GABRA3: variants seen among roughly 807,000 people sequenced by gnomAD.
The protein encoded by GABRA3 is gamma-aminobutyric acid type A receptor subunit alpha3, also known as gamma-aminobutyric acid receptor subunit alpha-3.
A neutral mutation model predicts 30.1 loss-of-function variants in GABRA3; 10 were observed. That is an observed-to-expected ratio of 0.33 (90% CI 0.20 to 0.56). GABRA3 has a LOEUF of 0.56. Among genes scored for constraint, GABRA3 ranks in the 20% least tolerant of loss-of-function variants. The probability of loss-of-function intolerance (pLI) is 0.89; values close to 1 mark genes in which losing one functional copy is unlikely to be tolerated. For synonymous variants in GABRA3, 151 were observed against 146.8 expected (o/e 1.03, Z -0.21); for missense variants, 233 against 392.0 (o/e 0.59, Z 3.42).
chrX:152,278,249 T>A (rs192418253), intron 4 of GABRA3, among the ~76,000 whole-genome samples: 11,672 of 103,907 alleles, frequency 0.11, 608 homozygotes, highest in African/African-American at 0.15. Context: ...CCTAATGCTA[T>A]CCTTCCTTCT....
At chrX:152,261,371 A>G (rs1938726059) in intron 4 of GABRA3, among the ~76,000 whole-genome samples, 1 of 111,888 alleles carries the variant, frequency 8.9e-6, no homozygotes, top group Non-Finnish European at 1.9e-5. Flanking sequence ...TCAAAAGTCC[A>G]AATTCAAAGT....
At chrX:152,240,954 C>G (rs1192308303) in intron 5 of GABRA3, among the ~76,000 whole-genome samples, 19 of 99,826 alleles carry the variant, frequency 1.9e-4, no homozygotes, top group African/African-American at 5.9e-4. Flanking sequence ...CCTCCCGTAG[C>G]TCAGAGTAAT....
chrX:152,327,378 C>A (rs1414787275), intron 3 of GABRA3, among the ~76,000 whole-genome samples: 6 of 111,609 alleles, frequency 5.4e-5, no homozygotes, highest in African/African-American at 2.0e-4. Context: ...AACTCTCCAC[C>A]CCAAATCAAC....
chrX:152,290,089 C>T (rs1939377422), intron 3 of GABRA3, among the ~76,000 whole-genome samples: 1 of 111,899 alleles, frequency 8.9e-6, no homozygotes, highest in Admixed American at 9.5e-5. Context: ...TGAGGAATCC[C>T]ACAATGTCTT....
chrX:152,310,184 T>G (rs1939778616), intron 3 of GABRA3, among the ~76,000 whole-genome samples: 1 of 112,096 alleles, frequency 8.9e-6, no homozygotes. Flanking sequence ...TCAATAATAG[T>G]GAGAGACTTC....
intron 4 of GABRA3, among the ~76,000 whole-genome samples, chrX:152,280,529 G>T (rs977786454): frequency 4.6e-4 from 51 of 111,020 alleles, no homozygotes; most frequent in African/African-American, 1.7e-3. Context: ...TTTTCTCCAT[G>T]GTGTTTGGAT....
chrX:152,272,760 A>G (rs5969882), intron 4 of GABRA3, among the ~76,000 whole-genome samples: 22,012 of 110,437 alleles, frequency 0.2, 2,422 homozygotes, highest in African/African-American at 0.42. Flanking sequence ...AAATTGAATC[A>G]GGGGGCAGGT....
At chrX:152,406,343 C>A (rs1440889018) in intron 1 of GABRA3, among the ~76,000 whole-genome samples, 1 of 109,109 alleles carries the variant, frequency 9.2e-6, no homozygotes, top group African/African-American at 3.3e-5. Flanking sequence ...AAATTCACTT[C>A]GCCTGTAGAG....
chrX:152,270,111 G>A (rs1938902088), intron 4 of GABRA3, among the ~76,000 whole-genome samples: 1 of 112,011 alleles, frequency 8.9e-6, no homozygotes, highest in South Asian at 3.7e-4. Context: ...TGGTTTGGCT[G>A]TGTACCCACC....
chrX:152,225,070 C>T (rs1937913668), intron 5 of GABRA3, among the ~76,000 whole-genome samples: 1 of 109,980 alleles, frequency 9.1e-6, no homozygotes, highest in Non-Finnish European at 1.9e-5. Flanking sequence ...ATCTGAATCC[C>T]ATCCTGTCAC....
chrX:152,325,565 G>A (rs1379322990), intron 3 of GABRA3, among the ~76,000 whole-genome samples: 1 of 111,965 alleles, frequency 8.9e-6, no homozygotes, highest in African/African-American at 3.3e-5. Context: ...AGCCTCTGCT[G>A]GTGATACCCA....
chrX:152,186,429 A>G (rs753029310), intron 9 of GABRA3, among the ~76,000 whole-genome samples: 3 of 109,251 alleles, frequency 2.7e-5, no homozygotes, highest in Admixed American at 2.0e-4. Context: ...CTTGAACTCC[A>G]GACCTCAAGT....
At chrX:152,213,728 C>T (rs529322368) in intron 6 of GABRA3, among the ~76,000 whole-genome samples, 8 of 111,387 alleles carry the variant, frequency 7.2e-5, no homozygotes, top group African/African-American at 2.6e-4. Flanking sequence ...AGGATATAAA[C>T]CAAGATAGAG....
At chrX:152,293,747 T>A (rs1473603307) in intron 3 of GABRA3, among the ~76,000 whole-genome samples, 1 of 111,558 alleles carries the variant, frequency 9.0e-6, no homozygotes, top group African/African-American at 3.3e-5. Context: ...TTGTCATGTT[T>A]TTGCAGTGGC....
chrX:152,340,438 C>T (rs923697892), intron 3 of GABRA3, among the ~76,000 whole-genome samples: 2 of 112,384 alleles, frequency 1.8e-5, no homozygotes, highest in Non-Finnish European at 3.8e-5. Flanking sequence ...ATTTCCACTG[C>T]CCTTCCCTTC....
chrX:152,221,823 C>G (rs1379377090), intron 6 of GABRA3, among the ~76,000 whole-genome samples: 1 of 111,532 alleles, frequency 9.0e-6, no homozygotes, highest in East Asian at 2.8e-4. Context: ...ATTTCATCAC[C>G]CAGGTATTAA....
At chrX:152,188,889 C>T (rs1037955564) in intron 9 of GABRA3, among the ~76,000 whole-genome samples, 8 of 111,826 alleles carry the variant, frequency 7.2e-5, no homozygotes, top group African/African-American at 2.6e-4. Flanking sequence ...GTTCTAGCGA[C>T]CTGAACTTAT....
chrX:152,202,649 C>G (rs1937499610), intron 7 of GABRA3, among the ~76,000 whole-genome samples: 1 of 112,194 alleles, frequency 8.9e-6, no homozygotes, highest in Non-Finnish European at 1.9e-5. Flanking sequence ...TGTATGTGCA[C>G]ACATGTGAAT....
chrX:152,253,399 A>G (rs1207123783), intron 5 of GABRA3, among the ~76,000 whole-genome samples: 1 of 111,457 alleles, frequency 9.0e-6, no homozygotes, highest in African/African-American at 3.3e-5. Flanking sequence ...TCTTGTCCCA[A>G]ATTAACCTCA....
Sources: gnomAD v4.1 joint callset for allele counts (sites outside exome capture counted in the v4.1 genomes callset) on GRCh38, gnomAD v4.1.1 for gene constraint, MANE v1.5 for transcripts, NCBI Gene and HGNC (gene_info 2026-07-23, HGNC 2026-07-21) for gene names.